The following ERC1 variants were observed in gnomAD, a reference collection of about 807,000 sequenced individuals.
ERC1 encodes the protein RAB6 interacting protein 2.
In ERC1, 56 loss-of-function variants were observed where a neutral mutation model predicts 132.0. That is an observed-to-expected ratio of 0.42 (90% CI 0.34 to 0.53). The LOEUF (loss-of-function observed/expected upper bound fraction) is 0.53, where lower values mean the gene tolerates loss of function less well. Among genes scored for constraint, ERC1 ranks in the 20% least tolerant of loss-of-function variants. The probability of loss-of-function intolerance (pLI) is 0.03; values close to 1 mark genes in which losing one functional copy is unlikely to be tolerated. For synonymous variants in ERC1, 478 were observed against 476.1 expected, an observed-to-expected ratio of 1.00 and a Z score of -0.05; for missense variants, 1,202 against 1,349.9, an observed-to-expected ratio of 0.89 and a Z score of 1.72.
chr12:1,467,791 G>A (rs563535861), intron 18 of ERC1, among the ~76,000 whole-genome samples: 4 of 152,330 alleles, frequency 2.6e-5, no homozygotes, highest in African/African-American at 9.6e-5. Context: ...GGAGTGATGG[G>A]AGACAGTGAT....
chr12:1,094,110 C>T (rs1191988395), intron 3 of ERC1, among the ~76,000 whole-genome samples: 1 of 149,204 alleles, frequency 6.7e-6, no homozygotes, highest in Non-Finnish European at 1.5e-5. Context: ...CCTCCGCGTC[C>T]CGGGTTCAAG....
chr12:1,022,283 C>T (rs1186670951), intron 1 of ERC1, among the ~76,000 whole-genome samples: 1 of 152,194 alleles, frequency 6.6e-6, no homozygotes. Context: ...TGAAACATTG[C>T]AGAAAACAAT....
At chr12:1,448,303 C>T (rs906655000) in intron 18 of ERC1, among the ~76,000 whole-genome samples, 3 of 152,194 alleles carry the variant, frequency 2.0e-5, no homozygotes, top group Non-Finnish European at 2.9e-5. Flanking sequence ...CCCTGCGAAA[C>T]GAGAGACCTG....
At chr12:1,152,376 C>G (rs756509061) in intron 8 of ERC1, 10 of 152,202 alleles carry the variant, frequency 6.6e-5, no homozygotes, top group Non-Finnish European at 1.5e-4. Flanking sequence ...TGTACTAGGA[C>G]ACTATAAGCA....
chr12:1,224,923 G>GA (rs2074434278), intron 12 of ERC1, among the ~76,000 whole-genome samples: 1 of 151,914 alleles, frequency 6.6e-6, no homozygotes. Flanking sequence ...CCTGGGAAAT[G>GA]AGCTATGATT....
chr12:1,343,037 C>G (rs757747250), intron 15 of ERC1, among the ~76,000 whole-genome samples: 2 of 152,196 alleles, frequency 1.3e-5, no homozygotes, highest in Non-Finnish European at 2.9e-5. Context: ...ACAACTCCTT[C>G]CAGCCCCTAA....
At chr12:1,098,824 GT>G (rs1388810132) in intron 3 of ERC1, among the ~76,000 whole-genome samples, 2 of 152,186 alleles carry the variant, frequency 1.3e-5, no homozygotes, top group African/African-American at 4.8e-5. Flanking sequence ...AGATTAAAGA[GT>G]TTAGATGGAA....
intron 14 of ERC1, among the ~76,000 whole-genome samples, chr12:1,283,281 C>T (rs892439611): frequency 2.0e-5 from 3 of 152,118 alleles, no homozygotes; most frequent in Non-Finnish European, 4.4e-5. Context: ...TGTTTTAAAA[C>T]GTCTGCTTTT....
intron 2 of ERC1, among the ~76,000 whole-genome samples, chr12:1,056,527 C>T (rs1013890136): frequency 2.0e-5 from 3 of 152,068 alleles, no homozygotes; most frequent in African/African-American, 7.2e-5. Flanking sequence ...TTACATAGGG[C>T]ATGAAAGATT....
intron 1 of ERC1, among the ~76,000 whole-genome samples, chr12:1,025,819 A>G (rs1405296430): frequency 1.8e-5 from 2 of 110,880 alleles, no homozygotes; most frequent in East Asian, 2.2e-4. Flanking sequence ...TTTTTTTGAG[A>G]CGGAGTCTCG....
At chr12:1,266,883 A>T (rs561838843) in intron 14 of ERC1, among the ~76,000 whole-genome samples, 36 of 152,344 alleles carry the variant, frequency 2.4e-4, no homozygotes, top group African/African-American at 8.2e-4. Flanking sequence ...GCTTCTGGGA[A>T]AGAATGACTT....
At chr12:1,348,096 T>A (rs2084653348) in intron 15 of ERC1, among the ~76,000 whole-genome samples, 1 of 152,224 alleles carries the variant, frequency 6.6e-6, no homozygotes, top group African/African-American at 2.4e-5. Flanking sequence ...AGTGTTTATT[T>A]ACATTGTCTG....
intron 3 of ERC1, among the ~76,000 whole-genome samples, chr12:1,094,377 GT>G (rs1384950278): frequency 6.7e-6 from 1 of 149,458 alleles, no homozygotes; most frequent in Non-Finnish European, 1.5e-5. Flanking sequence ...GATGAGAACA[GT>G]TGCATACCTT....
At chr12:1,464,677 C>CGCCCA (rs2093709033) in intron 18 of ERC1, among the ~76,000 whole-genome samples, 1 of 151,646 alleles carries the variant, frequency 6.6e-6, no homozygotes, top group Admixed American at 6.6e-5. Flanking sequence ...TGCACCATGA[C>CGCCCA]GCCCAGCTAA....
chr12:1,327,221 G>GCTCACGCCTGTA (rs2082507931), intron 15 of ERC1, among the ~76,000 whole-genome samples: 1 of 152,038 alleles, frequency 6.6e-6, no homozygotes, highest in African/African-American at 2.4e-5. Flanking sequence ...AAAAATACTA[G>GCTCACGCCTGTA]ACATTTCTAT....
chr12:1,457,726 G>GA (rs2093567956), intron 18 of ERC1, among the ~76,000 whole-genome samples: 1 of 151,142 alleles, frequency 6.6e-6, no homozygotes, highest in South Asian at 2.1e-4. Context: ...AAAGTTAATC[G>GA]AAAAAGGAAA....
intron 15 of ERC1, among the ~76,000 whole-genome samples, chr12:1,311,479 C>T (rs2154350094): frequency 6.6e-6 from 1 of 151,846 alleles, no homozygotes; most frequent in African/African-American, 2.4e-5. Flanking sequence ...TTTGATCTTT[C>T]TTATTTATAG....
Position 1,110,301 on chromosome 12 carries a change from A to G in ERC1, c.1271A>G (p.Lys424Arg), listed in dbSNP as rs1315689361. Residue 424 changes from lysine to arginine, a missense_variant, in exon 5 of 19, where the codon AAG becomes AGG. Physicochemically the swap from Lys to Arg is conservative, Grantham distance 26 (BLOSUM62 2). Coordinates refer to ENST00000360905, the MANE Select transcript of ERC1 (RefSeq NM_178040.4). ...ACTGAGGAAAGGGAAGAAGAAATGAAGCAAATGGAAGTGTATCGGAGCCAT... is the reference window on the plus strand; with the variant it reads ...ACTGAGGAAAGGGAAGAAGAAATGAGGCAAATGGAAGTGTATCGGAGCCAT... ...LSTEEREEEM[K>R]QMEVYRSHSK... 1.9e-6 allele frequency: 3 copies of G among 1,613,582 alleles called. No individual in the cohort carries two copies. The Admixed American group carries it at 5.0e-5, about 27-fold the overall frequency.
chr12:1,289,692 G>A (rs976686051), intron 14 of ERC1, among the ~76,000 whole-genome samples, 160 bp from the exon 15 acceptor site: 1 of 152,070 alleles, frequency 6.6e-6, no homozygotes, highest in African/African-American at 2.4e-5. Flanking sequence ...ATTGATTCTT[G>A]ATATATACAC....
Sources: gnomAD v4.1 joint callset for allele counts (sites outside exome capture counted in the v4.1 genomes callset) on GRCh38, gnomAD v4.1.1 for gene constraint, MANE v1.5 for transcripts, NCBI Gene and HGNC (gene_info 2026-07-23, HGNC 2026-07-21) for gene names.